The following KATNIP variants were observed in gnomAD, a reference collection of about 807,000 sequenced individuals.
KATNIP encodes the protein katanin interacting protein.
KATNIP carries 126 observed loss-of-function variants against 174.0 expected under a neutral mutation model. That is an observed-to-expected ratio of 0.72 (90% confidence interval 0.63 to 0.84). The LOEUF (loss-of-function observed/expected upper bound fraction) is 0.84, where lower values mean the gene tolerates loss of function less well. Among genes scored for constraint, KATNIP ranks in the 40% least tolerant of loss-of-function variants. The pLI, the probability that KATNIP is intolerant of heterozygous loss-of-function variation, is 0.00. For synonymous variants in KATNIP, 810 were observed against 835.7 expected (o/e 0.97, Z 0.53); for missense variants, 1,958 against 2,109.7 (o/e 0.93, Z 1.41).
In KATNIP at chr16:27,576,222, T is replaced by C. The variant is rs531221065; in HGVS notation, c.63+2266T>C. Among the ~76,000 whole-genome samples the C allele has an allele frequency of 4.6e-4, 70 of 152,294 alleles. 1 individual carries two copies. Among genetic ancestry groups the C allele is most frequent in the African/African-American group, 1.7e-3 (69 of 41,576 alleles). On this transcript the variant is annotated intron_variant, in intron 2 of 27. Transcript: ENST00000261588. ...CTCTCTAGCTACGGGACTCCCCTAATTGCTGCTTTCCCAGCCACTCCCATT... is the reference window on the plus strand; with the variant it reads ...CTCTCTAGCTACGGGACTCCCCTAACTGCTGCTTTCCCAGCCACTCCCATT...
At position 27,711,032 on chromosome 16, in the gene KATNIP, T is replaced by G. The variant is rs182509110; in HGVS notation, c.1605+2112T>G. Among the ~76,000 whole-genome samples, 3 of 152,288 alleles carry G rather than the reference T, an allele frequency of 2.0e-5. No homozygotes were observed. The East Asian group carries it at 5.8e-4, about 29-fold the overall frequency. On this transcript the variant is annotated intron_variant, in intron 13 of 27. Coordinates refer to ENST00000261588, the MANE Select transcript of KATNIP (RefSeq NM_015202.5). Reference sequence around the variant, plus strand: ...TGGGTCAATCATCTGTTCAGATTCTTAGATTTCCAGCAGCAGAAACTGAGT... The same window carrying G: ...TGGGTCAATCATCTGTTCAGATTCTGAGATTTCCAGCAGCAGAAACTGAGT...
chr16:27,667,804 C>T (rs953595267), intron 6 of KATNIP, among the ~76,000 whole-genome samples: 2 of 152,178 alleles, frequency 1.3e-5, no homozygotes, highest in Admixed American at 1.3e-4. Flanking sequence ...AATCACAAAA[C>T]ACTGATTCTT....
chr16:27,736,990 C>CGAGGGGAT (rs1360370104), intron 14 of KATNIP, among the ~76,000 whole-genome samples: 3 of 152,012 alleles, frequency 2.0e-5, no homozygotes, highest in African/African-American at 7.3e-5. Context: ...TGAGAGGGGA[C>CGAGGGGAT]GAGGGGACGG....
chr16:27,654,786 C>T (rs747221478), intron 6 of KATNIP: 29 of 1,346,196 alleles, frequency 2.2e-5, no homozygotes, highest in East Asian at 4.6e-5. Flanking sequence ...GGATCTTTTC[C>T]GTAGCCAAGC....
At chr16:27,550,326 G>A in intron 1 of KATNIP, 149 bp downstream of exon 1, 1 of 899,334 alleles carries the variant, frequency 1.1e-6, no homozygotes. Context: ...GGGAGGCTTA[G>A]TGGTCTGGAA....
chr16:27,670,863 A>G (rs2077871983), intron 6 of KATNIP, among the ~76,000 whole-genome samples: 1 of 152,220 alleles, frequency 6.6e-6, no homozygotes. Context: ...AGAAAAGGAA[A>G]GTCCTGGAAA....
rs528175554 is a variant in KATNIP, at chr16:27,588,129, C to A, written c.63+14173C>A. On this transcript the variant is annotated intron_variant, in intron 2 of 27. Coordinates refer to ENST00000261588, the MANE Select transcript of KATNIP (RefSeq NM_015202.5). ...CTGGTCTTGAACTCCTGAACTCAAG[C>A]GACCCTCCTGCCTCTGCCTCCCAAA... 1.1e-4 allele frequency among the ~76,000 whole-genome samples: 16 copies of A among 151,946 alleles called. No homozygotes were observed. In the East Asian group the frequency reaches 3.1e-3, roughly 29 times the overall value.
chr16:27,649,735 T>A (rs1233315614), intron 6 of KATNIP, among the ~76,000 whole-genome samples: 1 of 152,158 alleles, frequency 6.6e-6, no homozygotes, highest in Admixed American at 6.5e-5. Flanking sequence ...ATGAGATCAT[T>A]TCAGGTATCA....
intron 19 of KATNIP, among the ~76,000 whole-genome samples, chr16:27,765,031 T>C (rs1284575092): frequency 6.6e-6 from 1 of 152,210 alleles, no homozygotes; most frequent in Non-Finnish European, 1.5e-5. Context: ...AAACAAAAAG[T>C]TTCTTTTCAA....
intron 2 of KATNIP, among the ~76,000 whole-genome samples, chr16:27,609,421 C>G (rs200775521): frequency 8.7e-6 from 1 of 114,906 alleles, no homozygotes; most frequent in African/African-American, 3.3e-5. Context: ...GACGGAGTCT[C>G]GCTTTGTTGC....
intron 2 of KATNIP, among the ~76,000 whole-genome samples, chr16:27,592,261 C>T (rs1014910059): frequency 1.6e-5 from 2 of 128,814 alleles, no homozygotes; most frequent in African/African-American, 5.8e-5. Flanking sequence ...AAGAGCTTTG[C>T]ATATATTACT....
chr16:27,659,962 G>T (rs1597089521), intron 6 of KATNIP: 2 of 982,264 alleles, frequency 2.0e-6, no homozygotes, highest in Non-Finnish European at 2.4e-6. Flanking sequence ...ACTACCTATT[G>T]TACAACACTG....
At chr16:27,768,636 C>T (rs2082199007) in intron 20 of KATNIP, among the ~76,000 whole-genome samples, 1 of 152,126 alleles carries the variant, frequency 6.6e-6, no homozygotes, top group Non-Finnish European at 1.5e-5. Context: ...CTCAGGGGGC[C>T]CAGGTAGGAA....
At chr16:27,560,056 G>A (rs2089804232) in intron 1 of KATNIP, among the ~76,000 whole-genome samples, 1 of 150,882 alleles carries the variant, frequency 6.6e-6, no homozygotes, top group Non-Finnish European at 1.5e-5. Context: ...GACTGAGGCG[G>A]GCAGATCACG....
At chr16:27,585,978 G>A in intron 2 of KATNIP, among the ~76,000 whole-genome samples, 1 of 152,092 alleles carries the variant, frequency 6.6e-6, no homozygotes, top group Admixed American at 6.6e-5. Context: ...GCACACACCT[G>A]TAGTCCCAGC....
chr16:27,739,297 A>G (rs1001592038), intron 14 of KATNIP, among the ~76,000 whole-genome samples: 6 of 152,162 alleles, frequency 3.9e-5, no homozygotes, highest in Admixed American at 2.0e-4. Flanking sequence ...TCAATGATGG[A>G]GCCATTTTTA....
At chr16:27,587,035 G>T (rs955315444) in intron 2 of KATNIP, among the ~76,000 whole-genome samples, 3 of 151,848 alleles carry the variant, frequency 2.0e-5, no homozygotes, top group African/African-American at 7.3e-5. Context: ...ACGGTCCCGG[G>T]CAGGCAAGGC....
chr16:27,641,942 G>GGCCCCGT (rs1200371380), intron 5 of KATNIP, among the ~76,000 whole-genome samples: 1 of 152,214 alleles, frequency 6.6e-6, no homozygotes, highest in Non-Finnish European at 1.5e-5. Flanking sequence ...CTCAGGCCTG[G>GGCCCCGT]GCCCCGTGCC....
chr16:27,569,024 A>T (rs1334483546), intron 1 of KATNIP, among the ~76,000 whole-genome samples: 3 of 152,232 alleles, frequency 2.0e-5, no homozygotes, highest in Non-Finnish European at 4.4e-5. Flanking sequence ...TAGGAATATC[A>T]TGAAATTATA....
Sources: gnomAD v4.1 joint callset for allele counts (sites outside exome capture counted in the v4.1 genomes callset) on GRCh38, gnomAD v4.1.1 for gene constraint, MANE v1.5 for transcripts, NCBI Gene and HGNC (gene_info 2026-07-23, HGNC 2026-07-21) for gene names.